The following UBAP1 variants were observed in gnomAD, a reference collection of about 807,000 sequenced individuals.
The protein encoded by UBAP1 is ubiquitin associated protein 1.
In UBAP1, 5 loss-of-function variants were observed where a neutral mutation model predicts 39.0. That is an observed-to-expected ratio of 0.13 (90% confidence interval 0.07 to 0.27). The LOEUF (loss-of-function observed/expected upper bound fraction) is 0.27. UBAP1 is among the 10% of genes least tolerant of loss of function. UBAP1 has a pLI of 1.00. For missense variants in UBAP1, 490 were observed against 608.1 expected, an observed-to-expected ratio of 0.81 and a Z score of 2.04; for synonymous variants, 211 against 225.1, an observed-to-expected ratio of 0.94 and a Z score of 0.56.
chr9:34,239,596 C>T (rs1157570517), intron 3 of UBAP1, among the ~76,000 whole-genome samples: 3 of 152,166 alleles, frequency 2.0e-5, no homozygotes, highest in Non-Finnish European at 4.4e-5. Context: ...GTGAGGTAGC[C>T]CTTAGTGTCA....
At chr9:34,217,919 C>T (rs1832428065) in intron 1 of UBAP1, among the ~76,000 whole-genome samples, 2 of 142,180 alleles carry the variant, frequency 1.4e-5, no homozygotes, top group African/African-American at 2.6e-5. Context: ...TGCTGGATTT[C>T]ATTCATTTTT....
At position 34,250,741 on chromosome 9, in the gene UBAP1, C is replaced by T. The variant is rs771327535; in HGVS notation, c.1350C>T (p.His450=). ...PLLVEEALEM[H]QCSEEKMMEF... ...TAGTGGAAGAGGCTCTGGAAATGCA[C>T]CAGTGTTCAGAAGAAAAGGTGGGAA... The change falls in exon 6 of 7, where the codon CAC becomes CAT. Residue 450 remains histidine, a synonymous_variant. Coordinates refer to ENST00000297661, the MANE Select transcript of UBAP1 (RefSeq NM_016525.5). The T allele has an allele frequency of 6.2e-6, 10 of 1,613,152 alleles. No individual in the cohort carries two copies. The highest frequency in any genetic ancestry group is 1.3e-5 in the African/African-American group (1 of 74,882).
rs574610295 is a variant in UBAP1, at chr9:34,199,231, G to A, written c.-8+19991G>A. On this transcript the variant is annotated intron_variant, in intron 1 of 6. Transcript: ENST00000297661. ...TGGGACTACAGGGGCACACCACCAC[G>A]CCCAGCTAATATTTTGTATTTTTAG... 1.9e-3 allele frequency among the ~76,000 whole-genome samples: 282 copies of A among 152,060 alleles called. 1 individual carries two copies. The highest frequency in any genetic ancestry group is 6.5e-3 in the African/African-American group (269 of 41,492).
intron 1 of UBAP1, among the ~76,000 whole-genome samples, chr9:34,184,451 G>A (rs1164752787): frequency 1.3e-5 from 2 of 150,338 alleles, no homozygotes; most frequent in African/African-American, 2.5e-5. Flanking sequence ...CTAACACGGT[G>A]AAACCCTGTC....
chr9:34,221,032 G>GC, intron 2 of UBAP1, 84 bp downstream of exon 2: 1 of 1,233,572 alleles, frequency 8.1e-7, no homozygotes, highest in South Asian at 1.3e-5. Context: ...AAGTACAAGT[G>GC]CCCCTTTTTG....
At position 34,251,821 on chromosome 9, in the gene UBAP1, A is replaced by T; in HGVS notation, c.*289A>T. 4.0e-6 allele frequency: 1 copy of T among 246,918 alleles called. No homozygotes were observed. 15.3% of individuals were successfully genotyped at this position (246,918 alleles called of 1,614,324 possible). ...TTCAGCCCTCCGGAGAGACTACCCT[A>T]GTCTTTCTGGGGTGTTTATGTCCTC... On this transcript the variant is annotated 3_prime_UTR_variant, in exon 7 of 7. Coordinates refer to ENST00000297661, the MANE Select transcript of UBAP1 (RefSeq NM_016525.5).
At chr9:34,232,177 T>C (rs1435815551) in intron 2 of UBAP1, among the ~76,000 whole-genome samples, 1 of 152,060 alleles carries the variant, frequency 6.6e-6, no homozygotes, top group Non-Finnish European at 1.5e-5. Flanking sequence ...GTATTTTCAG[T>C]AGAGAGGGGG....
In UBAP1 at chr9:34,179,166, C is replaced by T. The variant is rs1829876058; in HGVS notation, c.-82C>T. 1.6e-6 allele frequency: 2 copies of T among 1,238,982 alleles called. No homozygotes were observed. Among genetic ancestry groups the T allele is most frequent in the Non-Finnish European group, 2.0e-6 (2 of 989,886 alleles). 76.7% of individuals were successfully genotyped at this position (1,238,982 alleles called of 1,614,324 possible). ...TCCCTAGGGGCTGTCGGGAGCTCAG[C>T]GGGGACCGAGCCTGGGAGGCCGGCC... On this transcript the variant is annotated 5_prime_UTR_variant, in exon 1 of 7. Transcript: ENST00000297661.
At chr9:34,217,267 A>T (rs899946161) in intron 1 of UBAP1, among the ~76,000 whole-genome samples, 1 of 151,638 alleles carries the variant, frequency 6.6e-6, no homozygotes, top group Non-Finnish European at 1.5e-5. Context: ...TTGAGACAGA[A>T]TCTCTGTTGC....
At chr9:34,219,234 A>T (rs1254796013) in intron 1 of UBAP1, among the ~76,000 whole-genome samples, 1 of 151,906 alleles carries the variant, frequency 6.6e-6, no homozygotes, top group Non-Finnish European at 1.5e-5. Flanking sequence ...GACTACAGGC[A>T]TGCAACACCA....
chr9:34,235,323 G>GTT (rs1165392042), intron 3 of UBAP1, among the ~76,000 whole-genome samples: 1 of 147,288 alleles, frequency 6.8e-6, no homozygotes, highest in Admixed American at 6.9e-5. Context: ...GTGTGTGTGT[G>GTT]TGTGTGTGTA....
At chr9:34,204,420 A>G (rs1250263110) in intron 1 of UBAP1, among the ~76,000 whole-genome samples, 1 of 152,206 alleles carries the variant, frequency 6.6e-6, no homozygotes, top group Non-Finnish European at 1.5e-5. Context: ...TTGCTGAGTC[A>G]AGTATACTTG....
chr9:34,227,345 G>A (rs889754959), intron 2 of UBAP1, among the ~76,000 whole-genome samples: 5 of 151,618 alleles, frequency 3.3e-5, no homozygotes, highest in African/African-American at 7.3e-5. Context: ...TGCAGGAGGC[G>A]CTGATGGCTT....
intron 1 of UBAP1, among the ~76,000 whole-genome samples, chr9:34,207,989 G>A (rs1332024126): frequency 6.6e-6 from 1 of 152,042 alleles, no homozygotes; most frequent in Admixed American, 6.6e-5. Flanking sequence ...TGTCCTTCGT[G>A]GGAATACTTC....
intron 2 of UBAP1, 50 bp from the exon 3 acceptor site, chr9:34,234,166 C>A: frequency 6.4e-7 from 1 of 1,557,114 alleles, no homozygotes; most frequent in Non-Finnish European, 8.7e-7. Context: ...TATGGCAAAA[C>A]AAATAATGAA....
chr9:34,208,497 G>A (rs563691815), intron 1 of UBAP1, among the ~76,000 whole-genome samples: 51 of 152,222 alleles, frequency 3.4e-4, no homozygotes, highest in African/African-American at 1.2e-3. Flanking sequence ...AAAAAAATTA[G>A]CCGGGCGCGG....
intron 4 of UBAP1, among the ~76,000 whole-genome samples, chr9:34,245,738 G>C (rs1834146357): frequency 9.6e-6 from 1 of 104,710 alleles, no homozygotes. Flanking sequence ...ACAGTACCTG[G>C]TGCTTCCAGA....
intron 3 of UBAP1, among the ~76,000 whole-genome samples, chr9:34,238,343 G>A (rs1456638003): frequency 6.6e-6 from 1 of 152,112 alleles, no homozygotes; most frequent in Non-Finnish European, 1.5e-5. Flanking sequence ...ACAGATTTTT[G>A]TGTGGACACA....
intron 1 of UBAP1, among the ~76,000 whole-genome samples, chr9:34,200,927 G>T (rs1214439363): frequency 3.3e-5 from 5 of 150,614 alleles, no homozygotes; most frequent in Non-Finnish European, 5.9e-5. Context: ...ATTTTTTTTT[G>T]AGATGGAGTT....
Sources: gnomAD v4.1 joint callset for allele counts (sites outside exome capture counted in the v4.1 genomes callset) on GRCh38, gnomAD v4.1.1 for gene constraint, MANE v1.5 for transcripts, NCBI Gene and HGNC (gene_info 2026-07-23, HGNC 2026-07-21) for gene names.